PPP3CA: variants seen among roughly 807,000 people sequenced by gnomAD.
PPP3CA encodes protein phosphatase 3 catalytic subunit alpha.
PPP3CA carries 14 observed loss-of-function variants against 66.5 expected under a neutral mutation model. That is an observed-to-expected ratio of 0.21 (90% CI 0.14 to 0.33). The LOEUF (loss-of-function observed/expected upper bound fraction) is 0.33. PPP3CA is among the 10% of genes least tolerant of loss of function. The pLI, the probability that PPP3CA is intolerant of heterozygous loss-of-function variation, is 1.00. For synonymous variants in PPP3CA, 232 were observed against 226.2 expected (o/e 1.03, Z -0.23); for missense variants, 317 against 639.5 (o/e 0.50, Z 5.44).
At chr4:101,317,139 T>C (rs1309126252) in intron 1 of PPP3CA, among the ~76,000 whole-genome samples, 1 of 151,906 alleles carries the variant, frequency 6.6e-6, no homozygotes, top group Non-Finnish European at 1.5e-5. Flanking sequence ...CCACAATCTA[T>C]CTGGCTGCAT....
At position 101,178,922 on chromosome 4, in the gene PPP3CA, C is replaced by T. The variant is rs549918008; in HGVS notation, c.259+16994G>A. Among the ~76,000 whole-genome samples, 7 of 152,234 alleles carry T rather than the reference C, an allele frequency of 4.6e-5. No homozygotes were observed. The East Asian group carries it at 1.2e-3, about 25-fold the overall frequency. ...ACAAATCCTTTCCTCATCTTCAAAA[C>T]TAGCATTCCCTGGTCACTCTTAGTC... On this transcript the variant is annotated intron_variant, in intron 2 of 13. Coordinates refer to ENST00000394854, the MANE Select transcript of PPP3CA (RefSeq NM_000944.5).
At chr4:101,327,598 C>A (rs929289093) in intron 1 of PPP3CA, among the ~76,000 whole-genome samples, 1 of 151,884 alleles carries the variant, frequency 6.6e-6, no homozygotes, top group East Asian at 1.9e-4. Flanking sequence ...GGTTATTTTA[C>A]TTTGATATTC....
chr4:101,080,301 A>G (rs1468958256), intron 8 of PPP3CA, among the ~76,000 whole-genome samples: 1 of 152,208 alleles, frequency 6.6e-6, no homozygotes, highest in Non-Finnish European at 1.5e-5. Context: ...CCTGCTAAAA[A>G]TTAAAATGTC....
chr4:101,292,081 AACACACACACACACACACACACACACAC>A (rs3974776), intron 1 of PPP3CA, among the ~76,000 whole-genome samples: 7 of 130,726 alleles, frequency 5.4e-5, no homozygotes, highest in African/African-American at 8.6e-5. Flanking sequence ...TGAGCCCATG[AACACACACACACACACACACACACACAC>A]ACACACACAC....
chr4:101,310,815 C>G (rs1207611526), intron 1 of PPP3CA, among the ~76,000 whole-genome samples: 1 of 152,136 alleles, frequency 6.6e-6, no homozygotes, highest in Non-Finnish European at 1.5e-5. Flanking sequence ...AGCAAAGGAT[C>G]TTATTCAAAT....
chr4:101,303,712 A>C (rs1021997547), intron 1 of PPP3CA, among the ~76,000 whole-genome samples: 5 of 152,170 alleles, frequency 3.3e-5, no homozygotes, highest in African/African-American at 1.2e-4. Context: ...CAGAAGTGGG[A>C]TAGGATCACT....
At chr4:101,047,158 T>A (rs1727801856) in intron 10 of PPP3CA, among the ~76,000 whole-genome samples, 1 of 152,208 alleles carries the variant, frequency 6.6e-6, no homozygotes, top group African/African-American at 2.4e-5. Context: ...GAAGTTACTT[T>A]AGATATCCAC....
intron 1 of PPP3CA, among the ~76,000 whole-genome samples, chr4:101,240,175 G>C (rs1726261478): frequency 1.3e-5 from 2 of 151,954 alleles, no homozygotes; most frequent in Admixed American, 1.3e-4. Flanking sequence ...CTAAAAGTGA[G>C]AGTACACACA....
rs189174913 is a variant in PPP3CA, at chr4:101,321,995, C to T, written c.58+24744G>A. Among the ~76,000 whole-genome samples, 20 of 152,240 alleles carry T rather than the reference C, an allele frequency of 1.3e-4. No homozygotes were observed. The East Asian group carries it at 3.3e-3, about 25-fold the overall frequency. On this transcript the variant is annotated intron_variant, in intron 1 of 13. Coordinates refer to ENST00000394854, the MANE Select transcript of PPP3CA (RefSeq NM_000944.5). ...CAACTCCAATTAAGAATAAGAAATC[C>T]TTGTTTCATTTGTCCTTTAACACTT...
rs1202962667 is a variant in PPP3CA, at chr4:101,174,076, C to CAA, written c.259+21839_259+21840insTT. 4.1e-4 allele frequency among the ~76,000 whole-genome samples: 62 copies of CAA among 151,540 alleles called. No homozygotes were observed. The East Asian group carries it at 7.7e-3, about 19-fold the overall frequency. ...TAAAACAAATAAACAAACAAACAAA[C>CAA]ACAAAAACTACGCCCCCCCCACCCC... On this transcript the variant is annotated intron_variant, in intron 2 of 13. Coordinates refer to ENST00000394854, the MANE Select transcript of PPP3CA (RefSeq NM_000944.5).
intron 11 of PPP3CA, 67 bp downstream of exon 11, chr4:101,040,415 T>TA: frequency 9.1e-7 from 1 of 1,094,266 alleles, no homozygotes; most frequent in Non-Finnish European, 1.3e-6. Context: ...CAGATGAAAG[T>TA]ATTAAAGTAT....
chr4:101,233,013 C>T (rs773898821), intron 1 of PPP3CA, among the ~76,000 whole-genome samples: 3 of 130,348 alleles, frequency 2.3e-5, no homozygotes, highest in Non-Finnish European at 5.4e-5. Flanking sequence ...ATGAACTATA[C>T]AAATGAGATT....
In PPP3CA at chr4:101,196,074, A is replaced by C. The variant is rs755119794; in HGVS notation, c.101T>G (p.Val34Gly). Residue 34 changes from valine (V) to glycine (G), a missense_variant, in exon 2 of 14, where the codon GTG (valine) becomes GGG (glycine). Val to Gly is a moderately radical substitution (Grantham distance 109, BLOSUM62 -3). This residue lies in a region of PPP3CA where 76 missense variants were observed against 99.5 expected (regional missense o/e 0.76). Coordinates refer to ENST00000394854, the MANE Select transcript of PPP3CA (RefSeq NM_000944.5). Reference sequence around the variant, plus strand: ...ACGAGGTTTTCCATCATTATCAAACACTTCTTTTGCTGTAAGCCGGTGACT... The same window carrying C: ...ACGAGGTTTTCCATCATTATCAAACCCTTCTTTTGCTGTAAGCCGGTGACT... ...PPSHRLTAKE[V>G]FDNDGKPRVD... 1.2e-6 allele frequency: 2 copies of C among 1,614,032 alleles called. No individual in the cohort carries two copies. The highest frequency in any genetic ancestry group is 1.7e-6 in the Non-Finnish European group (2 of 1,179,978).
intron 2 of PPP3CA, among the ~76,000 whole-genome samples, chr4:101,124,775 GAAAGAAAGAAAGAAAGAAAGAA>G (rs1722187285): frequency 7.7e-6 from 1 of 129,832 alleles, no homozygotes; most frequent in Non-Finnish European, 1.6e-5. Context: ...AAGAAAGAAA[GAAAGAAAGAAAGAAAGAAAGAA>G]AGAGAAAACT....
At chr4:101,232,548 C>A (rs896929725) in intron 1 of PPP3CA, among the ~76,000 whole-genome samples, 1 of 151,728 alleles carries the variant, frequency 6.6e-6, no homozygotes, top group Non-Finnish European at 1.5e-5. Flanking sequence ...AACCTGACCA[C>A]CTTTAGTTCC....
At chr4:101,042,766 G>C (rs999898154) in intron 10 of PPP3CA, among the ~76,000 whole-genome samples, 3 of 149,002 alleles carry the variant, frequency 2.0e-5, no homozygotes, top group African/African-American at 4.9e-5. Flanking sequence ...TTGGATTTTA[G>C]ATGATTAATG....
At chr4:101,331,279 T>C (rs942617914) in intron 1 of PPP3CA, among the ~76,000 whole-genome samples, 11 of 152,284 alleles carry the variant, frequency 7.2e-5, no homozygotes, top group Admixed American at 2.6e-4. Flanking sequence ...TAAAATGAGG[T>C]AATATACATG....
At chr4:101,292,013 G>A (rs1421479631) in intron 1 of PPP3CA, among the ~76,000 whole-genome samples, 2 of 151,626 alleles carry the variant, frequency 1.3e-5, no homozygotes, top group Non-Finnish European at 2.9e-5. Context: ...TGTAGTCTCA[G>A]CTATTCGAGA....
intron 2 of PPP3CA, among the ~76,000 whole-genome samples, chr4:101,136,974 T>C (rs935696130): frequency 1.3e-5 from 2 of 152,110 alleles, no homozygotes; most frequent in Non-Finnish European, 2.9e-5. Context: ...GAGCGGGCAA[T>C]GACAACTATA....
Sources: gnomAD v4.1 joint callset for allele counts (sites outside exome capture counted in the v4.1 genomes callset) on GRCh38, gnomAD v4.1.1 for gene constraint, gnomAD v4.1.1 regional missense constraint, MANE v1.5 for transcripts, NCBI Gene and HGNC (gene_info 2026-07-23, HGNC 2026-07-21) for gene names.